RIF1: variants seen among roughly 807,000 people sequenced by gnomAD.
RIF1 encodes the protein telomere-associated protein RIF1.
A neutral mutation model predicts 247.1 loss-of-function variants in RIF1; 45 were observed. The ratio of observed to expected loss-of-function variants is 0.18; its 90% confidence interval spans 0.14 to 0.23. The LOEUF (loss-of-function observed/expected upper bound fraction) is 0.23, where lower values mean the gene tolerates loss of function less well. Ranked by LOEUF, RIF1 falls within the 10% of genes least tolerant of loss-of-function variation. The pLI, the probability that RIF1 is intolerant of heterozygous loss-of-function variation, is 1.00. For missense variants in RIF1, 2,967 were observed against 2,862.5 expected, an observed-to-expected ratio of 1.04 and a Z score of -0.83; for synonymous variants, 1,087 against 978.8, an observed-to-expected ratio of 1.11 and a Z score of -2.06.
chr2:151,438,544 G>T (rs1691669859), intron 13 of RIF1, 140 bp from the exon 14 acceptor site: 2 of 633,030 alleles, frequency 3.2e-6, no homozygotes, highest in South Asian at 3.7e-5. Flanking sequence ...CTTACTACAG[G>T]GTTGAGTATC....
At chr2:151,418,329 C>G (rs1299796456) in intron 6 of RIF1, among the ~76,000 whole-genome samples, 3 of 152,074 alleles carry the variant, frequency 2.0e-5, no homozygotes, top group Non-Finnish European at 4.4e-5. Flanking sequence ...CTCAGCTTCC[C>G]GAGTAGCTGG....
chr2:151,524,533 T>C, the RIF1 span: 2 of 1,613,978 alleles, frequency 1.2e-6, no homozygotes, highest in Admixed American at 3.3e-5. Flanking sequence ...CCTGTTTGGC[T>C]GCCTGTGTGG....
At chr2:151,430,055 C>G (rs13410134) in intron 9 of RIF1, among the ~76,000 whole-genome samples, 1 of 150,504 alleles carries the variant, frequency 6.6e-6, no homozygotes, top group African/African-American at 2.4e-5. Flanking sequence ...GAGTTTCGCT[C>G]TGTCGTCCAG....
At chr2:151,513,358 C>T in the RIF1 span, among the ~76,000 whole-genome samples, 1 of 152,172 alleles carries the variant, frequency 6.6e-6, no homozygotes, top group African/African-American at 2.4e-5. Context: ...GCCCTTTGCT[C>T]TGAATGTCCC....
At chr2:151,492,526 C>T in intron 9 of RIF1, 6 of 1,495,330 alleles carry the variant, frequency 4.0e-6, no homozygotes, top group Non-Finnish European at 5.6e-6. Context: ...ATGAGTGGTG[C>T]TGTCCTAAAT....
chr2:151,529,176 C>G, the RIF1 span: 1 of 1,425,656 alleles, frequency 7.0e-7, no homozygotes, highest in Non-Finnish European at 9.9e-7. Flanking sequence ...CTGGTAAATC[C>G]CCCACCATGC....
At chr2:151,467,898 A>ATG in intron 30 of RIF1, 102 bp from the exon 31 acceptor site, 1 of 1,141,906 alleles carries the variant, frequency 8.8e-7, no homozygotes, top group Non-Finnish European at 1.2e-6. Context: ...TAAATTTTCT[A>ATG]AACCCACATT....
rs1573861854 is a variant in RIF1 at position 151,417,024 on chromosome 2, G to A, written c.503+123G>A. Reference sequence around the variant, plus strand: ...GGGGGGAATGTCATTTACACCAAACGACTCAAGGACAAAAAGTAATAGAAA... The same window carrying A: ...GGGGGGAATGTCATTTACACCAAACAACTCAAGGACAAAAAGTAATAGAAA... On this transcript the variant is annotated intron_variant, in intron 6 of 35. Coordinates refer to ENST00000444746, the MANE Select transcript of RIF1 (RefSeq NM_018151.5). The A allele has an allele frequency of 7.5e-6, 5 of 664,094 alleles. No homozygotes were observed. The East Asian group carries it at 1.1e-4, about 15-fold the overall frequency. 41.1% of individuals were successfully genotyped at this position (664,094 alleles called of 1,614,324 possible).
At chr2:151,497,431 T>G in intron 10 of RIF1, 1 of 979,654 alleles carries the variant, frequency 1.0e-6, no homozygotes, top group South Asian at 4.7e-5. Flanking sequence ...AATAAAAAAT[T>G]GAAATTAACT....
intron 6 of RIF1, among the ~76,000 whole-genome samples, chr2:151,417,266 A>G (rs989585073): frequency 2.2e-4 from 33 of 152,206 alleles, no homozygotes; most frequent in African/African-American, 6.0e-4. Flanking sequence ...CAGGGAATAG[A>G]GTACCTTCTT....
At chr2:151,412,927 T>C (rs1686519250) in intron 3 of RIF1, among the ~76,000 whole-genome samples, 1 of 151,980 alleles carries the variant, frequency 6.6e-6, no homozygotes, top group Admixed American at 6.6e-5. Flanking sequence ...TGTGTGCTAG[T>C]TACTTAATAT....
rs994623784 is a variant in RIF1, at chr2:151,506,264, C to T, written c.*916C>T. On this transcript the variant is annotated 3_prime_UTR_variant and NMD_transcript_variant, in exon 13 of 14. Transcript: ENST00000454583. ...ACATCCTCTTTATATAAAACCTGGG[C>T]ATTCAGAATCAGGACAGTGTTAACA... 8 of 1,599,302 alleles carry T rather than the reference C, an allele frequency of 5.0e-6. No individual in the cohort carries two copies. The highest frequency in any genetic ancestry group is 5.0e-5 in the Admixed American group (3 of 59,982).
rs1247498985 is a variant in RIF1 at position 151,464,351 on chromosome 2, G to T, written c.4831G>T (p.Asp1611Tyr). ...TGATTATAAAGCAACTTCTGAAGAA[G>T]ATGTAAGCATAAAATCTCCGATTTG... ...SHDYKATSEEDVSIKSPICEK... is the reference protein window; with the variant it reads ...SHDYKATSEEYVSIKSPICEK... Residue 1611 changes from aspartate (D) to tyrosine (Y), a missense_variant, in exon 30 of 36, where the codon GAT becomes TAT. Coordinates refer to ENST00000444746, the MANE Select transcript of RIF1 (RefSeq NM_018151.5). 6.2e-7 allele frequency: 1 copy of T among 1,610,766 alleles called. No homozygotes were observed. The highest frequency in any genetic ancestry group is 8.5e-7 in the Non-Finnish European group (1 of 1,179,046).
the RIF1 span, among the ~76,000 whole-genome samples, chr2:151,516,719 TTTG>T: frequency 6.6e-6 from 1 of 152,204 alleles, no homozygotes; most frequent in Admixed American, 6.5e-5. Context: ...CCAGTACATT[TTTG>T]TTGTTGTCTA....
intron 26 of RIF1, among the ~76,000 whole-genome samples, chr2:151,460,808 CCTCAACTTG>C (rs1696030325): frequency 6.6e-6 from 1 of 152,208 alleles, no homozygotes; most frequent in Admixed American, 6.5e-5. Flanking sequence ...CTAAGTCATG[CCTCAACTTG>C]AGAGCTGCAA....
chr2:151,462,936 G>T lies in RIF1; in HGVS notation c.3416G>T (p.Cys1139Phe). 2.5e-6 allele frequency: 4 copies of T among 1,613,486 alleles called. No homozygotes were observed. The highest frequency in any genetic ancestry group is 3.4e-6 in the Non-Finnish European group (4 of 1,179,798). Residue 1139 changes from cysteine to phenylalanine, a missense_variant, in exon 30 of 36, where the codon TGT becomes TTT. This residue lies in a region of RIF1 where 2,028 missense variants were observed against 1,825.6 expected (regional missense o/e 1.11). Transcript: ENST00000444746. ...IVIPQDVTED[C>F]GMAEHLEKSS... ...ATTCCTCAAGATGTCACGGAAGACTGTGGTATGGCTGAACATCTTGAAAAG... is the reference window on the plus strand; with the variant it reads ...ATTCCTCAAGATGTCACGGAAGACTTTGGTATGGCTGAACATCTTGAAAAG...
rs1387539309 is a variant in RIF1, at chr2:151,468,467, T to A, written c.6748-7T>A. On this transcript the variant is annotated splice_region_variant and splice_polypyrimidine_tract_variant and intron_variant, in intron 31 of 35. Transcript: ENST00000444746. ...GAGTGTTTTTTTCTCTCCTTTCTTCTATCTAGCATAATACCACTTCAGCCA... is the reference window on the plus strand; with the variant it reads ...GAGTGTTTTTTTCTCTCCTTTCTTCAATCTAGCATAATACCACTTCAGCCA... 8 of 1,606,838 alleles carry A rather than the reference T, an allele frequency of 5.0e-6. No homozygotes were observed. In the African/African-American group the frequency reaches 9.4e-5, roughly 19 times the overall value.
At chr2:151,410,865 A>T (rs1686052331) in intron 2 of RIF1, among the ~76,000 whole-genome samples, 1 of 151,576 alleles carries the variant, frequency 6.6e-6, no homozygotes, top group African/African-American at 2.4e-5. Flanking sequence ...GGCTACCCAG[A>T]GTTTTTTTAA....
At chr2:151,495,928 T>C (rs1394763616) in intron 10 of RIF1, among the ~76,000 whole-genome samples, 1 of 152,098 alleles carries the variant, frequency 6.6e-6, no homozygotes, top group East Asian at 1.9e-4. Context: ...AAGAGCCGCA[T>C]TGGACCTACT....
Sources: allele counts gnomAD v4.1 joint callset (sites outside exome capture counted in the v4.1 genomes callset), GRCh38; gene constraint gnomAD v4.1.1; regional missense constraint gnomAD v4.1.1; transcripts MANE v1.5; gene names NCBI Gene and HGNC (gene_info 2026-07-23, HGNC 2026-07-21).